TMEM108: variants seen among roughly 807,000 people sequenced by gnomAD.
TMEM108 encodes the protein cancer/testis antigen 124.
In TMEM108, 12 loss-of-function variants were observed where a neutral mutation model predicts 35.1. The ratio of observed to expected loss-of-function variants is 0.34; its 90% CI spans 0.22 to 0.55. The LOEUF is 0.55. Ranked by LOEUF, TMEM108 falls within the 20% of genes least tolerant of loss-of-function variation. The pLI is 0.89. For synonymous variants in TMEM108, 287 were observed against 308.6 expected, an observed-to-expected ratio of 0.93 and a Z score of 0.73; for missense variants, 680 against 753.3, an observed-to-expected ratio of 0.90 and a Z score of 1.14.
intron 2 of TMEM108, among the ~76,000 whole-genome samples, chr3:133,164,015 G>A (rs925180825): frequency 1.3e-5 from 2 of 152,018 alleles, no homozygotes; most frequent in African/African-American, 4.8e-5. Context: ...CCTTACCTAG[G>A]TTTCCATTTT....
chr3:133,084,088 A>G (rs1943850112), intron 2 of TMEM108, among the ~76,000 whole-genome samples: 1 of 151,102 alleles, frequency 6.6e-6, no homozygotes, highest in Admixed American at 6.7e-5. Context: ...CATAAATGAT[A>G]AGATTTTATT....
chr3:133,244,833 T>G (rs1946363273), intron 3 of TMEM108, among the ~76,000 whole-genome samples: 1 of 152,192 alleles, frequency 6.6e-6, no homozygotes, highest in Non-Finnish European at 1.5e-5. Context: ...GACATCTGAT[T>G]GTATTTGTGA....
At chr3:133,201,434 C>T (rs1465111270) in intron 2 of TMEM108, among the ~76,000 whole-genome samples, 1 of 152,078 alleles carries the variant, frequency 6.6e-6, no homozygotes, top group African/African-American at 2.4e-5. Flanking sequence ...TCTTCTAATG[C>T]TATCCCTCCC....
intron 2 of TMEM108, among the ~76,000 whole-genome samples, chr3:133,084,934 A>G (rs894633769): frequency 6.6e-6 from 1 of 152,154 alleles, no homozygotes; most frequent in African/African-American, 2.4e-5. Flanking sequence ...GGTGGGTTTG[A>G]GACTCTTTTC....
intron 2 of TMEM108, among the ~76,000 whole-genome samples, chr3:133,204,264 A>AT (rs199778088): frequency 0.32 from 47,455 of 148,886 alleles, 8,315 homozygotes; most frequent in East Asian, 0.47. Context: ...GGATTCATTG[A>AT]TTTTTTTTTG....
chr3:133,150,470 A>G (rs1370676257), intron 2 of TMEM108, among the ~76,000 whole-genome samples: 1 of 149,160 alleles, frequency 6.7e-6, no homozygotes, highest in African/African-American at 2.5e-5. Flanking sequence ...TTGCCTTTCC[A>G]TTTGTTGATT....
At chr3:133,306,553 T>C (rs1029870103) in intron 3 of TMEM108, among the ~76,000 whole-genome samples, 1 of 152,144 alleles carries the variant, frequency 6.6e-6, no homozygotes, top group Non-Finnish European at 1.5e-5. Flanking sequence ...TGTGTGATGT[T>C]CACCGCCCTG....
At chr3:133,138,365 A>G (rs1292132448) in intron 2 of TMEM108, among the ~76,000 whole-genome samples, 1 of 152,176 alleles carries the variant, frequency 6.6e-6, no homozygotes, top group African/African-American at 2.4e-5. Flanking sequence ...CAGGAGAAAA[A>G]GGAGTGAAAA....
chr3:133,283,756 C>G (rs769436756), intron 3 of TMEM108, among the ~76,000 whole-genome samples: 42 of 152,304 alleles, frequency 2.8e-4, no homozygotes, highest in Non-Finnish European at 5.7e-4. Flanking sequence ...ATAGCGCATG[C>G]GAACTTTGAA....
At chr3:133,160,443 G>T (rs770603932) in intron 2 of TMEM108, among the ~76,000 whole-genome samples, 1 of 152,174 alleles carries the variant, frequency 6.6e-6, no homozygotes, top group Non-Finnish European at 1.5e-5. Flanking sequence ...TAAGTTCCAC[G>T]CTGTGTTTTT....
chr3:133,164,127 T>A (rs541899523), intron 2 of TMEM108, among the ~76,000 whole-genome samples: 2 of 152,246 alleles, frequency 1.3e-5, no homozygotes, highest in Non-Finnish European at 2.9e-5. Context: ...TATAGAATAG[T>A]TGTCACAACC....
chr3:133,096,650 T>G (rs1944019089), intron 2 of TMEM108, among the ~76,000 whole-genome samples: 1 of 152,222 alleles, frequency 6.6e-6, no homozygotes, highest in East Asian at 1.9e-4. Context: ...TGTATTAAAA[T>G]AGATGACAGA....
intron 3 of TMEM108, among the ~76,000 whole-genome samples, chr3:133,239,969 A>T (rs1462591093): frequency 6.6e-6 from 1 of 152,090 alleles, no homozygotes; most frequent in African/African-American, 2.4e-5. Flanking sequence ...GTTAGTTTTT[A>T]CTCTGTTTTA....
chr3:133,350,836 A>C (rs1479818862), intron 3 of TMEM108, among the ~76,000 whole-genome samples: 1 of 152,178 alleles, frequency 6.6e-6, no homozygotes, highest in African/African-American at 2.4e-5. Context: ...AGGCAGTTTT[A>C]CATACTGAAT....
At chr3:133,323,714 C>A (rs2071294687) in intron 3 of TMEM108, among the ~76,000 whole-genome samples, 1 of 152,106 alleles carries the variant, frequency 6.6e-6, no homozygotes, top group Admixed American at 6.6e-5. Context: ...CCCCACATAG[C>A]CAAAGCAATA....
chr3:133,166,721 T>C (rs1945044100), intron 2 of TMEM108, among the ~76,000 whole-genome samples: 1 of 152,192 alleles, frequency 6.6e-6, no homozygotes, highest in Admixed American at 6.5e-5. Context: ...GCGGTGAGTG[T>C]TACAGCTTAT....
chr3:133,373,967 C>T (rs189208328), intron 3 of TMEM108, among the ~76,000 whole-genome samples: 18 of 152,288 alleles, frequency 1.2e-4, no homozygotes, highest in African/African-American at 4.3e-4. Flanking sequence ...CTTTCATGTC[C>T]GGTGCCTGGC....
chr3:133,248,800 G>A (rs4541408), intron 3 of TMEM108, among the ~76,000 whole-genome samples: 50,463 of 152,040 alleles, frequency 0.33, 8,847 homozygotes, highest in East Asian at 0.48. Flanking sequence ...CCTTATGGCT[G>A]TATTTTTAGA....
At chr3:133,176,091 G>A (rs150374939) in intron 2 of TMEM108, among the ~76,000 whole-genome samples, 74 of 152,318 alleles carry the variant, frequency 4.9e-4, no homozygotes, top group African/African-American at 1.6e-3. Flanking sequence ...TTACATAATG[G>A]TAAAGGGATC....
Sources: gnomAD v4.1 joint callset for allele counts (sites outside exome capture counted in the v4.1 genomes callset) on GRCh38, gnomAD v4.1.1 for gene constraint, MANE v1.5 for transcripts, NCBI Gene and HGNC (gene_info 2026-07-23, HGNC 2026-07-21) for gene names.